CPNE8: variants seen among roughly 807,000 people sequenced by gnomAD.
CPNE8 encodes copine 8.
CPNE8 carries 45 observed loss-of-function variants against 81.5 expected under a neutral mutation model. The observed-to-expected ratio is 0.55, with a 90% CI of 0.44 to 0.71. CPNE8 has a LOEUF of 0.71. Ranked by LOEUF, CPNE8 falls within the 30% of genes least tolerant of loss-of-function variation. CPNE8 has a pLI of 0.00. For synonymous variants in CPNE8, 252 were observed against 226.3 expected (o/e 1.11, Z -1.02); for missense variants, 594 against 672.1 (o/e 0.88, Z 1.28).
At chr12:38,674,300 G>A (rs140461933) in intron 18 of CPNE8, among the ~76,000 whole-genome samples, 86 of 152,206 alleles carry the variant, frequency 5.7e-4, no homozygotes, top group Middle Eastern at 3.4e-3. Context: ...AGAACTGATT[G>A]AGGTTTACCA....
At chr12:38,807,444 A>G (rs1319066824) in intron 6 of CPNE8, among the ~76,000 whole-genome samples, 4 of 152,038 alleles carry the variant, frequency 2.6e-5, no homozygotes, top group African/African-American at 4.8e-5. Flanking sequence ...CAGAAATAAC[A>G]CTGCATGTCT....
rs189712043 is a variant in CPNE8 at position 38,858,116 on chromosome 12, C to T, written c.187-9454G>A. Among the ~76,000 whole-genome samples the T allele has an allele frequency of 2.0e-5, 3 of 152,286 alleles. No individual in the cohort carries two copies. The East Asian group carries it at 5.8e-4, about 29-fold the overall frequency. ...AGCCATCTTTATATAATGTAAACAT[C>T]GAAATAACTTGCACCTCTGTCTCCC... On this transcript the variant is annotated intron_variant, in intron 3 of 19. Coordinates refer to ENST00000331366, the MANE Select transcript of CPNE8 (RefSeq NM_153634.3).
At chr12:38,898,527 T>G (rs1245061471) in intron 1 of CPNE8, among the ~76,000 whole-genome samples, 4 of 152,224 alleles carry the variant, frequency 2.6e-5, no homozygotes, top group Non-Finnish European at 5.9e-5. Flanking sequence ...ACCCTCTGTT[T>G]ACCTGTCATA....
chr12:38,670,884 T>A (rs1032281586), intron 18 of CPNE8, 82 bp from the exon 19 acceptor site: 3 of 944,148 alleles, frequency 3.2e-6, no homozygotes, highest in African/African-American at 1.7e-5. Flanking sequence ...AATCAAGATG[T>A]ATGAAGTAGC....
intron 7 of CPNE8, among the ~76,000 whole-genome samples, chr12:38,775,183 G>A (rs867645042): frequency 6.6e-6 from 1 of 152,062 alleles, no homozygotes; most frequent in African/African-American, 2.4e-5. Context: ...GGAGTGCAGT[G>A]GCACAATAGC....
intron 3 of CPNE8, among the ~76,000 whole-genome samples, chr12:38,851,598 A>T: frequency 6.6e-6 from 1 of 152,152 alleles, no homozygotes; most frequent in East Asian, 1.9e-4. Flanking sequence ...GCCTAACTCA[A>T]GCTTTTCTTC....
chr12:38,707,871 A>G (rs373980476), intron 13 of CPNE8, among the ~76,000 whole-genome samples: 1 of 152,212 alleles, frequency 6.6e-6, no homozygotes, highest in Non-Finnish European at 1.5e-5. Context: ...CCACAGTTCA[A>G]CAATGATTTA....
At chr12:38,794,433 T>G (rs1010611721) in intron 6 of CPNE8, among the ~76,000 whole-genome samples, 1 of 151,292 alleles carries the variant, frequency 6.6e-6, no homozygotes, top group Non-Finnish European at 1.5e-5. Context: ...CAATAGAGAG[T>G]TAATAATAAA....
chr12:38,842,423 G>T (rs568142830), intron 4 of CPNE8, among the ~76,000 whole-genome samples: 49 of 152,024 alleles, frequency 3.2e-4, no homozygotes, highest in Middle Eastern at 6.8e-3. Flanking sequence ...ATCACAAAAA[G>T]CTTAAGTATC....
intron 5 of CPNE8, among the ~76,000 whole-genome samples, chr12:38,836,220 A>G (rs921000147): frequency 3.3e-5 from 5 of 152,138 alleles, no homozygotes; most frequent in Non-Finnish European, 5.9e-5. Flanking sequence ...TAGTAAAGCT[A>G]TTTCCTCAGA....
intron 7 of CPNE8, among the ~76,000 whole-genome samples, chr12:38,772,044 CA>C (rs1476564150): frequency 1.3e-5 from 2 of 152,188 alleles, no homozygotes; most frequent in Non-Finnish European, 1.5e-5. Context: ...GCTGCTTTCA[CA>C]GTCTTGAATG....
chr12:38,843,437 T>G (rs1943505284), intron 4 of CPNE8, among the ~76,000 whole-genome samples: 1 of 152,040 alleles, frequency 6.6e-6, no homozygotes, highest in Non-Finnish European at 1.5e-5. Flanking sequence ...CTTTTCCCTC[T>G]CTGTTGGGGG....
chr12:38,708,440 T>C (rs1278977665), intron 13 of CPNE8, among the ~76,000 whole-genome samples: 1 of 152,184 alleles, frequency 6.6e-6, no homozygotes, highest in Admixed American at 6.6e-5. Flanking sequence ...CAATCACATT[T>C]AAATCCTCGA....
chr12:38,798,989 G>A (rs1942582633), intron 6 of CPNE8, among the ~76,000 whole-genome samples: 1 of 152,152 alleles, frequency 6.6e-6, no homozygotes, highest in Non-Finnish European at 1.5e-5. Flanking sequence ...AATTCAATAA[G>A]AAGAGCTAAC....
At chr12:38,883,741 A>C (rs1016952782) in intron 1 of CPNE8, among the ~76,000 whole-genome samples, 1 of 152,246 alleles carries the variant, frequency 6.6e-6, no homozygotes, top group Admixed American at 6.5e-5. Context: ...TTCATTACCA[A>C]GAAGAACTCA....
At chr12:38,679,798 T>G (rs944381836) in intron 16 of CPNE8, 1 of 541,436 alleles carries the variant, frequency 1.8e-6, no homozygotes, top group Non-Finnish European at 2.4e-6. Context: ...TCTTCTCATT[T>G]AGTTATTTTA....
At chr12:38,714,587 A>G (rs1469699555) in intron 13 of CPNE8, among the ~76,000 whole-genome samples, 1 of 151,986 alleles carries the variant, frequency 6.6e-6, no homozygotes, top group Non-Finnish European at 1.5e-5. Flanking sequence ...ATTTCAAATT[A>G]TAGAATGTAT....
At chr12:38,823,581 T>C (rs1443905961) in intron 6 of CPNE8, among the ~76,000 whole-genome samples, 1 of 152,198 alleles carries the variant, frequency 6.6e-6, no homozygotes, top group African/African-American at 2.4e-5. Context: ...TCCCATTGTA[T>C]CCTGCTTCTC....
intron 1 of CPNE8, among the ~76,000 whole-genome samples, chr12:38,890,945 G>C (rs1944305828): frequency 6.6e-6 from 1 of 150,568 alleles, no homozygotes; most frequent in Non-Finnish European, 1.5e-5. Flanking sequence ...TTGAGAGAGA[G>C]AGAAAGAGTC....
Sources: allele counts gnomAD v4.1 joint callset (sites outside exome capture counted in the v4.1 genomes callset), GRCh38; gene constraint gnomAD v4.1.1; transcripts MANE v1.5; gene names NCBI Gene and HGNC (gene_info 2026-07-23, HGNC 2026-07-21).